The following TNKS variants were observed in gnomAD, a reference collection of about 807,000 sequenced individuals.
The protein encoded by TNKS is tankyrase.
Under a neutral mutation model 135.8 loss-of-function variants are expected in TNKS, and 72 were observed. That is an observed-to-expected ratio of 0.53 (90% CI 0.44 to 0.64). The LOEUF is 0.64. Among genes scored for constraint, TNKS ranks in the 30% least tolerant of loss-of-function variants. The pLI is 0.00. For synonymous variants in TNKS, 849 were observed against 649.3 expected, an observed-to-expected ratio of 1.31 and a Z score of -4.68; for missense variants, 1,769 against 1,674.0, an observed-to-expected ratio of 1.06 and a Z score of -0.99.
chr8:9,617,798 C>T (rs59268701), intron 3 of TNKS, among the ~76,000 whole-genome samples: 10,782 of 151,976 alleles, frequency 0.071, 422 homozygotes, highest in South Asian at 0.17. Flanking sequence ...ATTGTAGTAC[C>T]CTTACTTACC....
chr8:9,601,555 C>T (rs1447964432), intron 2 of TNKS, among the ~76,000 whole-genome samples: 1 of 152,112 alleles, frequency 6.6e-6, no homozygotes, highest in East Asian at 1.9e-4. Flanking sequence ...GTGTTTGTAT[C>T]TCAGGGGAAT....
chr8:9,581,794 A>G lies in TNKS; in HGVS notation c.898+1411A>G, dbSNP rs116555330. ...AGTTTTCATTTTATCAGTCCTTTGA[A>G]TATCTTATTGAAATTAGTATTTCTC... On this transcript the variant is annotated intron_variant, in intron 2 of 26. Transcript: ENST00000310430. 8.9e-3 allele frequency among the ~76,000 whole-genome samples: 1,358 copies of G among 152,248 alleles called. 16 individuals are homozygous for G. The highest frequency in any genetic ancestry group is 0.031 in the African/African-American group (1,290 of 41,560).
chr8:9,631,629 A>G (rs1220455650), intron 3 of TNKS, among the ~76,000 whole-genome samples: 2 of 152,146 alleles, frequency 1.3e-5, no homozygotes, highest in Non-Finnish European at 1.5e-5. Flanking sequence ...TAGTCTACAG[A>G]ATTTTAAGTT....
rs565393508 is a variant in TNKS at position 9,656,385 on chromosome 8, GA to G, written c.995-23565del. On this transcript the variant is annotated intron_variant, in intron 3 of 26. Coordinates refer to ENST00000310430, the MANE Select transcript of TNKS (RefSeq NM_003747.3). ...CCAACATTCAAATTCAGGAAATACAGAGAACTCCACAAAGATACTCCTCGAG... is the reference window on the plus strand; with the variant it reads ...CCAACATTCAAATTCAGGAAATACAGGAACTCCACAAAGATACTCCTCGAG... Among the ~76,000 whole-genome samples, 11 of 152,188 alleles carry G rather than the reference GA, an allele frequency of 7.2e-5. No homozygotes were observed. In the East Asian group the frequency reaches 1.9e-3, roughly 27 times the overall value.
Position 9,676,698 on chromosome 8 carries a change from G to C in TNKS, c.995-3253G>C, listed in dbSNP as rs980102936. ...CCTCTCTCTCTCTCTGTGTGTGTGT[G>C]TGTGTGTGTGTGTTTGTGTGTGTGT... On this transcript the variant is annotated intron_variant, in intron 3 of 26. Transcript: ENST00000310430. 1.7e-4 allele frequency among the ~76,000 whole-genome samples: 26 copies of C among 151,558 alleles called. 3 individuals carry two copies. The highest frequency in any genetic ancestry group is 6.3e-4 in the African/African-American group (26 of 41,294).
intron 18 of TNKS, among the ~76,000 whole-genome samples, chr8:9,749,471 CT>C (rs68021813): frequency 0.12 from 17,005 of 137,336 alleles, 1,226 homozygotes; most frequent in Admixed American, 0.25. Context: ...TTTTTCTTTT[CT>C]TTTTTTTTTT....
At chr8:9,688,699 G>A (rs532760005) in intron 5 of TNKS, among the ~76,000 whole-genome samples, 39 of 152,244 alleles carry the variant, frequency 2.6e-4, no homozygotes, top group African/African-American at 8.7e-4. Context: ...GAGTGCAGTG[G>A]CACAATCTCA....
Position 9,765,741 on chromosome 8 carries a change from A to G in TNKS, c.3497A>G (p.Gln1166Arg), listed in dbSNP as rs768571681. ...TTGAGGGAGCGGTTCTGCCACCGAC[A>G]GAAGGAAGTGTCTGAGGAGAATCAC... Reference protein sequence around the residue: ...KKLRERFCHRQKEVSEENHNH... With the variant: ...KKLRERFCHRRKEVSEENHNH... The change falls in exon 24 of 27, where the codon CAG becomes CGG. Residue 1166 changes from glutamine to arginine, a missense_variant. Physicochemically the swap from Gln to Arg is conservative, Grantham distance 43. This residue lies in a region of TNKS where 722 missense variants were observed against 688.9 expected (regional missense o/e 1.05). Transcript: ENST00000310430. 6.2e-7 allele frequency: 1 copy of G among 1,614,072 alleles called. No homozygotes were observed. The highest frequency in any genetic ancestry group is 1.7e-5 in the Admixed American group (1 of 60,026).
chr8:9,698,436 C>T (rs1228006704), intron 5 of TNKS, among the ~76,000 whole-genome samples: 1 of 136,872 alleles, frequency 7.3e-6, no homozygotes, highest in African/African-American at 2.7e-5. Flanking sequence ...TAAATAATAA[C>T]TATCATTTGT....
intron 11 of TNKS, among the ~76,000 whole-genome samples, chr8:9,712,136 A>G (rs1236436025): frequency 6.6e-6 from 1 of 152,214 alleles, no homozygotes; most frequent in Non-Finnish European, 1.5e-5. Context: ...ATGAATCTGT[A>G]TGAAATCTTT....
chr8:9,742,687 A>G (rs919630305), intron 17 of TNKS, among the ~76,000 whole-genome samples: 1 of 149,988 alleles, frequency 6.7e-6, no homozygotes, highest in Non-Finnish European at 1.5e-5. Flanking sequence ...GTGAGACCCT[A>G]TCTCTATATA....
intron 1 of TNKS, among the ~76,000 whole-genome samples, chr8:9,578,315 T>C (rs4840427): frequency 0.31 from 46,621 of 152,046 alleles, 7,313 homozygotes; most frequent in East Asian, 0.38. Flanking sequence ...AAGTCGAAGT[T>C]AGAGAATTAA....
chr8:9,756,799 A>C (rs187490834), intron 20 of TNKS, among the ~76,000 whole-genome samples: 1 of 152,228 alleles, frequency 6.6e-6, no homozygotes, highest in African/African-American at 2.4e-5. Context: ...AGTTGCTTTC[A>C]GATTCATCCC....
At chr8:9,628,950 C>T (rs923185263) in intron 3 of TNKS, among the ~76,000 whole-genome samples, 3 of 152,170 alleles carry the variant, frequency 2.0e-5, no homozygotes, top group East Asian at 1.9e-4. Flanking sequence ...ACCTACAAGT[C>T]GGACTTTATT....
At chr8:9,689,847 T>TA (rs1803178035) in intron 5 of TNKS, among the ~76,000 whole-genome samples, 1 of 152,216 alleles carries the variant, frequency 6.6e-6, no homozygotes, top group Non-Finnish European at 1.5e-5. Context: ...GGTGGACCGA[T>TA]TCCCTCCTAT....
intron 20 of TNKS, among the ~76,000 whole-genome samples, chr8:9,752,942 G>A (rs563875436): frequency 3.3e-5 from 5 of 149,664 alleles, no homozygotes; most frequent in Non-Finnish European, 5.9e-5. Context: ...TCTAGCTTTG[G>A]CGACAAAACA....
intron 3 of TNKS, among the ~76,000 whole-genome samples, chr8:9,645,113 C>A (rs1471519219): frequency 6.6e-6 from 1 of 151,892 alleles, no homozygotes; most frequent in African/African-American, 2.4e-5. Context: ...ACAAGACAGG[C>A]GTAAGTCACC....
intron 3 of TNKS, among the ~76,000 whole-genome samples, chr8:9,650,330 G>C (rs1390599613): frequency 6.6e-6 from 1 of 152,130 alleles, no homozygotes; most frequent in African/African-American, 2.4e-5. Flanking sequence ...CCTCTGGGTA[G>C]ATACCCAGTA....
At chr8:9,604,436 G>A (rs866457564) in intron 2 of TNKS, among the ~76,000 whole-genome samples, 5 of 151,910 alleles carry the variant, frequency 3.3e-5, no homozygotes, top group African/African-American at 4.8e-5. Flanking sequence ...TTTGCAAGTT[G>A]GTAGTAGAAT....
Sources: gnomAD v4.1 joint callset for allele counts (sites outside exome capture counted in the v4.1 genomes callset) on GRCh38, gnomAD v4.1.1 for gene constraint, gnomAD v4.1.1 regional missense constraint, MANE v1.5 for transcripts, NCBI Gene and HGNC (gene_info 2026-07-23, HGNC 2026-07-21) for gene names.